The following NUP160 variants were observed in gnomAD, a reference collection of about 807,000 sequenced individuals.
NUP160 encodes nuclear pore complex protein Nup160.
In NUP160, 94 loss-of-function variants were observed where a neutral mutation model predicts 196.9. The ratio of observed to expected loss-of-function variants is 0.48; its 90% CI spans 0.40 to 0.57. NUP160 has a LOEUF of 0.57. Among genes scored for constraint, NUP160 ranks in the 20% least tolerant of loss-of-function variants. The probability of loss-of-function intolerance (pLI) is 0.00; values close to 1 mark genes in which losing one functional copy is unlikely to be tolerated. For missense variants in NUP160, 1,638 were observed against 1,748.3 expected, an observed-to-expected ratio of 0.94 and a Z score of 1.13; for synonymous variants, 605 against 619.7, an observed-to-expected ratio of 0.98 and a Z score of 0.35.
rs146439366 is a variant in NUP160, at chr11:47,781,577, T to C, written c.4117-1130A>G. ...TTGCACCTGGCTGATTTCATGAGGG[T>C]TGAAGCTGTAGTTAACTACACCTAT... On this transcript the variant is annotated intron_variant, in intron 34 of 35. Transcript: ENST00000378460. Among the ~76,000 whole-genome samples the C allele has an allele frequency of 5.1e-4, 77 of 152,268 alleles. 1 individual carries two copies. Among genetic ancestry groups the C allele is most frequent in the African/African-American group, 1.8e-3 (75 of 41,550 alleles).
At chr11:47,836,977 A>T (rs776860747) in exon 6 of NUP160, 207 of 1,613,332 alleles carry the variant, frequency 1.3e-4, no homozygotes, top group Non-Finnish European at 1.7e-4. Context: ...GACTGAGGGG[A>T]CGATCTGAAG....
chr11:47,797,317 G>GC (rs2097671443), intron 27 of NUP160, among the ~76,000 whole-genome samples: 2 of 151,764 alleles, frequency 1.3e-5, no homozygotes, highest in Admixed American at 1.3e-4. Flanking sequence ...TGTAACCTCC[G>GC]CCCCCCGCCC....
rs986535446 is a variant in NUP160, at chr11:47,822,013, TTA to T, written c.1179+72_1179+73del. 4.1e-5 allele frequency: 45 copies of T among 1,092,210 alleles called. No individual in the cohort carries two copies. In the African/African-American group the frequency reaches 6.2e-4, roughly 15 times the overall value. 67.7% of individuals were successfully genotyped at this position (1,092,210 alleles called of 1,614,324 possible). On this transcript the variant is annotated intron_variant, in intron 8 of 35. Coordinates refer to ENST00000378460, the Ensembl canonical transcript of NUP160. ...ATTCCATTTTAAGACTACAATCCCA[TTA>T]TACCATAACAGAGTTAGTCAATACT...
chr11:47,804,400 G>C (rs750650814), intron 21 of NUP160, 149 bp downstream of exon 21: 2 of 585,084 alleles, frequency 3.4e-6, no homozygotes, highest in Non-Finnish European at 6.0e-6. Context: ...TATAGAAATA[G>C]AGAACAATCT....
Position 47,815,472 on chromosome 11 carries a change from CACTT to C in NUP160, c.1686+3_1686+6del, listed in dbSNP as rs2097683878. The stretch of plus-strand genomic sequence containing the variant: ...AGAAGGTCTTCTCTATGCTTTAGCT[CACTT>C]ACTTTTTTCAGCAGGCACACCATGT... On this transcript the variant is annotated splice_donor_5th_base_variant and intron_variant, in intron 13 of 35. Coordinates refer to ENST00000378460, the Ensembl canonical transcript of NUP160. 1.9e-6 allele frequency: 3 copies of C among 1,585,050 alleles called. No homozygotes were observed. Among genetic ancestry groups the C allele is most frequent in the South Asian group, 2.3e-5 (2 of 85,228 alleles).
intron 23 of NUP160, among the ~76,000 whole-genome samples, chr11:47,801,414 G>A (rs1327358465): frequency 1.3e-5 from 2 of 151,888 alleles, no homozygotes; most frequent in African/African-American, 4.8e-5. Flanking sequence ...GCAGTGGCAC[G>A]ATCTTGGCTC....
At chr11:47,816,648 C>T (rs968520522) in intron 11 of NUP160, among the ~76,000 whole-genome samples, 14 of 151,994 alleles carry the variant, frequency 9.2e-5, no homozygotes, top group Non-Finnish European at 1.3e-4. Context: ...TGGTGGCATG[C>T]GTCTGTAGTC....
At chr11:47,784,408 A>C (rs2097663341) in intron 33 of NUP160, among the ~76,000 whole-genome samples, 1 of 152,212 alleles carries the variant, frequency 6.6e-6, no homozygotes, top group Non-Finnish European at 1.5e-5. Flanking sequence ...GACCAGCCAT[A>C]GTGTTATATT....
At chr11:47,828,106 C>G (rs1565205234) in intron 7 of NUP160, among the ~76,000 whole-genome samples, 1 of 152,096 alleles carries the variant, frequency 6.6e-6, no homozygotes, top group African/African-American at 2.4e-5. Context: ...TGAGCTCAAG[C>G]AATCTGCCCA....
chr11:47,840,646 C>T, intron 2 of NUP160, 58 bp from the exon 3 acceptor site: 4 of 1,339,758 alleles, frequency 3.0e-6, no homozygotes, highest in Non-Finnish European at 3.1e-6. Context: ...GACTGTTCTA[C>T]TGAAATATAT....
chr11:47,788,359 C>T, intron 30 of NUP160, 54 bp from the exon 31 acceptor site: 1 of 1,608,804 alleles, frequency 6.2e-7, no homozygotes, highest in East Asian at 2.2e-5. Flanking sequence ...ACAAATGAAA[C>T]CAAAGATTTT....
chr11:47,812,254 G>C, intron 16 of NUP160, 30 bp from the exon 17 acceptor site: 2 of 1,613,644 alleles, frequency 1.2e-6, no homozygotes, highest in South Asian at 2.2e-5. Flanking sequence ...GGAGTTGAAT[G>C]CATCATTGTT....
At chr11:47,778,521 A>G (rs2097658820) in exon 36 of NUP160, 1 of 152,648 alleles carries the variant, frequency 6.6e-6, no homozygotes. Flanking sequence ...GATTCAAAAT[A>G]TCTTCTTTAA....
intron 29 of NUP160, among the ~76,000 whole-genome samples, chr11:47,788,987 C>A (rs1184226247): frequency 6.6e-6 from 1 of 151,864 alleles, no homozygotes; most frequent in Non-Finnish European, 1.5e-5. Context: ...TGTGATTCTC[C>A]TGCCTCAGCC....
exon 17 of NUP160, chr11:47,812,221 T>C (rs1298385703): frequency 6.2e-7 from 1 of 1,613,850 alleles, no homozygotes; most frequent in East Asian, 2.2e-5. Context: ...ATTCAAAGGC[T>C]GAGCTGTAAA....
At chr11:47,804,481 A>T (rs988329606) in intron 21 of NUP160, 68 bp downstream of exon 21, 1 of 1,055,768 alleles carries the variant, frequency 9.5e-7, no homozygotes, top group African/African-American at 1.7e-5. Context: ...AACATTTACA[A>T]AGAAAAAAAT....
chr11:47,789,931 T>G (rs2097666945), intron 29 of NUP160, among the ~76,000 whole-genome samples: 1 of 150,520 alleles, frequency 6.6e-6, no homozygotes, highest in African/African-American at 2.4e-5. Flanking sequence ...TATTTTGTAT[T>G]TTATATACTG....
At chr11:47,808,579 A>C (rs1565196239) in intron 17 of NUP160, 50 bp from the exon 18 acceptor site, 1 of 1,519,270 alleles carries the variant, frequency 6.6e-7, no homozygotes, top group East Asian at 2.3e-5. Context: ...GCAATTAGTA[A>C]TGGTAACTCT....
intron 34 of NUP160, among the ~76,000 whole-genome samples, chr11:47,780,821 G>A (rs896787045): frequency 1.3e-5 from 2 of 152,002 alleles, no homozygotes; most frequent in East Asian, 1.9e-4. Flanking sequence ...CACTGTGCCC[G>A]GCAAAATAAA....
Sources: allele counts gnomAD v4.1 joint callset (sites outside exome capture counted in the v4.1 genomes callset), GRCh38; gene constraint gnomAD v4.1.1; transcripts MANE v1.5; gene names NCBI Gene and HGNC (gene_info 2026-07-23, HGNC 2026-07-21).